Variants in UNC13A observed in about 807,000 individuals in gnomAD.
The protein encoded by UNC13A is unc-13 homolog A, also known as protein unc-13 homolog A.
A neutral mutation model predicts 219.7 loss-of-function variants in UNC13A; 61 were observed. That is an observed-to-expected ratio of 0.28 (90% confidence interval 0.23 to 0.34). The LOEUF (loss-of-function observed/expected upper bound fraction) is 0.34. Among genes scored for constraint, UNC13A ranks in the 10% least tolerant of loss-of-function variants. The pLI is 1.00. For missense variants in UNC13A, 1,476 were observed against 2,270.3 expected (o/e 0.65, Z 7.11); for synonymous variants, 920 against 884.6 (o/e 1.04, Z -0.71).
intron 5 of UNC13A, among the ~76,000 whole-genome samples, chr19:17,669,160 A>T (rs2079727591): frequency 6.6e-6 from 1 of 152,042 alleles, no homozygotes; most frequent in African/African-American, 2.4e-5. Flanking sequence ...GGAAGAGGGG[A>T]CTATCTGTTC....
intron 41 of UNC13A, chr19:17,614,444 G>T (rs910424322): frequency 2.0e-5 from 3 of 152,262 alleles, no homozygotes; most frequent in African/African-American, 7.2e-5. Context: ...CAGCTTAAAA[G>T]AATCTCTCCC....
chr19:17,659,783 AAGT>A (rs1282149819), intron 8 of UNC13A, among the ~76,000 whole-genome samples: 3 of 152,158 alleles, frequency 2.0e-5, no homozygotes, highest in Non-Finnish European at 4.4e-5. Context: ...AAAAAAGAAA[AAGT>A]AGTCCATGAA....
chr19:17,672,236 T>TG, intron 4 of UNC13A, 142 bp downstream of exon 4: 4 of 695,878 alleles, frequency 5.7e-6, no homozygotes, highest in Non-Finnish European at 1.0e-5. Flanking sequence ...CTAGTGACTT[T>TG]GGAAGGTTCG....
In UNC13A at chr19:17,617,851, TG is replaced by T; in HGVS notation, c.4411-3del. On this transcript the variant is annotated splice_polypyrimidine_tract_variant and splice_region_variant and intron_variant, in intron 40 of 43. Transcript: ENST00000519716. ...CACGCCACCCGCGTGGAAATATTGC[TG>T]GGGAGGACAGGGTGGGGAGAGGTGA... 3.7e-6 allele frequency: 6 copies of T among 1,613,750 alleles called. No homozygotes were observed. The highest frequency in any genetic ancestry group is 5.1e-6 in the Non-Finnish European group (6 of 1,179,814).
Position 17,610,078 on chromosome 19 carries a change from T to C in UNC13A, c.4673A>G (p.Lys1558Arg). ...CCGGAAGATGCCAGAAGTCTGCCACTTGAGGTCATTGGCAGCCACCACTGT... is the reference window on the plus strand; with the variant it reads ...CCGGAAGATGCCAGAAGTCTGCCACCTGAGGTCATTGGCAGCCACCACTGT... Reference protein sequence around the residue: ...TVKVVAANDLKWQTSGIFRPF... With the variant: ...TVKVVAANDLRWQTSGIFRPF... The change falls in exon 43 of 44, where the codon AAG becomes AGG. Residue 1558 changes from lysine to arginine, a missense_variant. Lys to Arg is a conservative substitution (Grantham distance 26, BLOSUM62 2). Coordinates refer to ENST00000519716, the MANE Select transcript of UNC13A (RefSeq NM_001080421.3). 6.2e-7 allele frequency: 1 copy of C among 1,614,066 alleles called. No individual in the cohort carries two copies. The highest frequency in any genetic ancestry group is 8.5e-7 in the Non-Finnish European group (1 of 1,179,894).
At chr19:17,678,147 A>G (rs960442192) in intron 1 of UNC13A, among the ~76,000 whole-genome samples, 5 of 152,168 alleles carry the variant, frequency 3.3e-5, no homozygotes, top group Non-Finnish European at 5.9e-5. Context: ...TCCCGTGAAG[A>G]GCGGGGGAAG....
rs188989171 is a variant in UNC13A at position 17,613,532 on chromosome 19, C to T, written c.4559-1677G>A. Among the ~76,000 whole-genome samples the T allele has an allele frequency of 7.8e-4, 119 of 152,098 alleles. 1 individual carries two copies. The highest frequency in any genetic ancestry group is 2.7e-3 in the African/African-American group (110 of 41,504). On this transcript the variant is annotated intron_variant, in intron 41 of 43. Transcript: ENST00000519716. ...GGCCCTTTCCAATAGGTTACTATTA[C>T]CTCTCCCCACTCACCCCATTCTTGC...
chr19:17,612,565 C>T (rs35661052), intron 41 of UNC13A, among the ~76,000 whole-genome samples: 35,522 of 151,992 alleles, frequency 0.23, 4,651 homozygotes, highest in Non-Finnish European at 0.3. Flanking sequence ...CAGATCATGT[C>T]GGCAGGGCGC....
chr19:17,623,511 C>T, intron 36 of UNC13A, 31 bp downstream of exon 36: 1 of 1,523,868 alleles, frequency 6.6e-7, no homozygotes, highest in Non-Finnish European at 8.7e-7. Context: ...AGAGGACGGA[C>T]AGACAGACGG....
At chr19:17,611,341 A>C (rs1257567003) in intron 42 of UNC13A, among the ~76,000 whole-genome samples, 1 of 151,640 alleles carries the variant, frequency 6.6e-6, no homozygotes, top group Non-Finnish European at 1.5e-5. Flanking sequence ...ACGCCACCAC[A>C]CCCAGCTACT....
chr19:17,602,166 A>G lies in UNC13A; in HGVS notation c.*3888T>C, dbSNP rs1005678813. 2.0e-5 allele frequency: 3 copies of G among 152,502 alleles called. No individual in the cohort carries two copies. The highest frequency in any genetic ancestry group is 4.4e-5 in the Non-Finnish European group (3 of 68,018). The allele number at this position is 152,502 out of a possible 1,614,324, so 9.4% of individuals were successfully genotyped here. On this transcript the variant is annotated 3_prime_UTR_variant, in exon 44 of 44. Transcript: ENST00000519716. ...TGGGGGTGTGGACAGGCACCTCCTCATTTTATGCAAATCATTCGAGGACAG... is the reference window on the plus strand; with the variant it reads ...TGGGGGTGTGGACAGGCACCTCCTCGTTTTATGCAAATCATTCGAGGACAG...
rs2076465969 is a variant in UNC13A at position 17,601,728 on chromosome 19, C to T, written c.*4326G>A. 6.6e-6 allele frequency: 1 copy of T among 152,392 alleles called. No individual in the cohort carries two copies. Among genetic ancestry groups the T allele is most frequent in the Admixed American group, 6.6e-5 (1 of 15,260 alleles). 9.4% of individuals were successfully genotyped at this position (152,392 alleles called of 1,614,324 possible). A position where few individuals can be genotyped will look rare whatever the true frequency, so the allele number is the denominator to read the frequency against. On this transcript the variant is annotated 3_prime_UTR_variant, in exon 44 of 44. Transcript: ENST00000519716. Reference sequence around the variant, plus strand: ...TGATCAGGGGACCCTCCGCCTGTGACCTGTGTCTCCAGAGAGCCACTATGG... The same window carrying T: ...TGATCAGGGGACCCTCCGCCTGTGATCTGTGTCTCCAGAGAGCCACTATGG...
In UNC13A at chr19:17,627,767, C is replaced by T. The variant is rs2076798848; in HGVS notation, c.3831+96G>A. ...AGGCCATGGTTGAGCTGGAATTCAT[C>T]CCCAGGCCTGGTGGCATATGAGCTC... On this transcript the variant is annotated intron_variant, in intron 32 of 43. Transcript: ENST00000519716. The surrounding 1 kb of genome is among the most constrained non-coding windows in gnomAD (Gnocchi z 4.7). 18 of 1,397,648 alleles carry T rather than the reference C, an allele frequency of 1.3e-5. No individual in the cohort carries two copies. The highest frequency in any genetic ancestry group is 1.8e-5 in the Non-Finnish European group (18 of 1,013,756). The allele number at this position is 1,397,648 out of a possible 1,614,324, so 86.6% of individuals were successfully genotyped here.
intron 21 of UNC13A, among the ~76,000 whole-genome samples, chr19:17,640,862 T>C (rs2076960746): frequency 7.2e-6 from 1 of 139,324 alleles, no homozygotes; most frequent in East Asian, 2.0e-4. Flanking sequence ...CTAATTCTGC[T>C]TCTTTTTTTC....
chr19:17,624,102 C>T (rs1270890746), intron 35 of UNC13A, among the ~76,000 whole-genome samples: 1 of 151,328 alleles, frequency 6.6e-6, no homozygotes, highest in African/African-American at 2.4e-5. Flanking sequence ...TAGAAAAACC[C>T]ATTGATGTCT....
At chr19:17,685,099 C>T (rs2080084581) in intron 1 of UNC13A, among the ~76,000 whole-genome samples, 1 of 152,122 alleles carries the variant, frequency 6.6e-6, no homozygotes, top group South Asian at 2.1e-4. Flanking sequence ...ACACACATGG[C>T]TTTGACATGT....
chr19:17,652,713 T>C, intron 11 of UNC13A, 36 bp from the exon 12 acceptor site: 6 of 1,612,926 alleles, frequency 3.7e-6, no homozygotes, highest in Non-Finnish European at 5.1e-6. Context: ...TCAGTGTGGC[T>C]GTCCCTCCCC....
chr19:17,674,344 C>T lies in UNC13A; in HGVS notation c.152+313G>A, dbSNP rs1388116713. Among the ~76,000 whole-genome samples, 1 of 152,154 alleles carries T rather than the reference C, an allele frequency of 6.6e-6. No individual in the cohort carries two copies. On this transcript the variant is annotated intron_variant, in intron 3 of 43. Coordinates refer to ENST00000519716, the MANE Select transcript of UNC13A (RefSeq NM_001080421.3). The surrounding 1 kb of genome is among the most constrained non-coding windows in gnomAD (Gnocchi z 5.0). The stretch of plus-strand genomic sequence containing the variant: ...GGACAAGTTTGGAACATGGGAGCGA[C>T]AGGATGTGATTTGCAGTTTTAAAAA...
In UNC13A at chr19:17,636,973, A is replaced by AT. The variant is rs77226457; in HGVS notation, c.3082-817dup. On this transcript the variant is annotated intron_variant, in intron 25 of 43. Transcript: ENST00000519716. ...AATCAACCAACTTGTTCTTCTCTCTATTTTTTTTTTTTTTCTTTCAAGAGA... is the reference window on the plus strand; with the variant it reads ...AATCAACCAACTTGTTCTTCTCTCTATTTTTTTTTTTTTTTCTTTCAAGAGA... 2.9e-3 allele frequency among the ~76,000 whole-genome samples: 410 copies of AT among 142,218 alleles called. 1 individual carries two copies. Among genetic ancestry groups the AT allele is most frequent in the Middle Eastern group, 0.018 (5 of 276 alleles). The allele number at this position is 142,218 out of a possible 152,430, so 93.3% of individuals were successfully genotyped here. A position where few individuals can be genotyped will look rare whatever the true frequency, so the allele number is the denominator to read the frequency against.
Sources: allele counts gnomAD v4.1 joint callset (sites outside exome capture counted in the v4.1 genomes callset), GRCh38; gene constraint gnomAD v4.1.1; non-coding constraint Gnocchi (gnomAD v3.1); transcripts MANE v1.5; gene names NCBI Gene and HGNC (gene_info 2026-07-23, HGNC 2026-07-21).